SEC31A: variants seen among roughly 807,000 people sequenced by gnomAD.
SEC31A encodes the protein protein transport protein Sec31A.
SEC31A carries 70 observed loss-of-function variants against 151.0 expected under a neutral mutation model. The observed-to-expected ratio is 0.46, with a 90% CI of 0.38 to 0.57. The LOEUF (loss-of-function observed/expected upper bound fraction) is 0.57. Among genes scored for constraint, SEC31A ranks in the 20% least tolerant of loss-of-function variants. The probability of loss-of-function intolerance (pLI) is 0.00; values close to 1 mark genes in which losing one functional copy is unlikely to be tolerated. For missense variants in SEC31A, 1,330 were observed against 1,471.2 expected, an observed-to-expected ratio of 0.90 and a Z score of 1.57; for synonymous variants, 475 against 505.9, an observed-to-expected ratio of 0.94 and a Z score of 0.82.
At position 82,857,401 on chromosome 4, in the gene SEC31A, C is replaced by T. The variant is rs528454534; in HGVS notation, c.1703-271G>A. ...CACCTAGGTGTCTGAACACACCAGC[C>T]TTCCCAAGGCACTGATCACATATAC... On this transcript the variant is annotated intron_variant, in intron 15 of 26. Coordinates refer to ENST00000395310, the MANE Select transcript of SEC31A (RefSeq NM_001077207.4). 5.9e-5 allele frequency among the ~76,000 whole-genome samples: 9 copies of T among 152,328 alleles called. 1 individual carries two copies. The South Asian group carries it at 1.9e-3, about 32-fold the overall frequency.
rs193194348 is a variant in SEC31A at position 82,836,218 on chromosome 4, C to G, written c.2968+5922G>C. Among the ~76,000 whole-genome samples the G allele has an allele frequency of 6.7e-4, 101 of 151,790 alleles. 1 individual carries two copies. The highest frequency in any genetic ancestry group is 2.2e-4 in the Non-Finnish European group (15 of 67,898). ...CGAAACCCCATCTCTACTAAAAATA[C>G]AAAAATTAGCTGAGCGTGGTGGCAC... On this transcript the variant is annotated intron_variant, in intron 22 of 26. Coordinates refer to ENST00000395310, the MANE Select transcript of SEC31A (RefSeq NM_001077207.4).
Position 82,880,894 on chromosome 4 carries a change from T to A in SEC31A, c.108A>T (p.Thr36=), listed in dbSNP as rs1273437356. The change falls in exon 3 of 27, where the codon ACA becomes ACT. Residue 36 remains threonine, a synonymous_variant. Transcript: ENST00000395310. The part of the protein sequence containing the change: ...TGTSAQQLDA[T]FSTNASLEIF... ...TCTCAAGGGAAGCATTCGTACTAAA[T>A]GTTGCATCCAATTGCTGAGCAGATG... 1 of 1,610,860 alleles carries A rather than the reference T, an allele frequency of 6.2e-7. No individual in the cohort carries two copies. The highest frequency in any genetic ancestry group is 1.1e-5 in the South Asian group (1 of 90,818).
In SEC31A at chr4:82,841,442, TTATATA is replaced by T. The variant is rs58373170; in HGVS notation, c.2968+692_2968+697del. ...CATCTCAAAAAAGAAAAAAAAAATT[TTATATA>T]TATATATATATATATATATACACAC... On this transcript the variant is annotated intron_variant, in intron 22 of 26. Transcript: ENST00000395310. Among the ~76,000 whole-genome samples, 258 of 64,440 alleles carry T rather than the reference TTATATA, an allele frequency of 4.0e-3. 32 individuals carry two copies. In the South Asian group the frequency reaches 0.11, roughly 26 times the overall value. The allele number at this position is 64,440 out of a possible 152,430, so 42.3% of individuals were successfully genotyped here.
At chr4:82,836,019 T>C (rs1727146454) in intron 22 of SEC31A, among the ~76,000 whole-genome samples, 1 of 151,800 alleles carries the variant, frequency 6.6e-6, no homozygotes, top group South Asian at 2.1e-4. Flanking sequence ...AGTGTGGTGG[T>C]TCCTCAAAAA....
chr4:82,822,446 A>G (rs1228363132), intron 25 of SEC31A, among the ~76,000 whole-genome samples: 1 of 152,230 alleles, frequency 6.6e-6, no homozygotes, highest in Non-Finnish European at 1.5e-5. Context: ...AGCAGCAAGT[A>G]TAAAGTCCTG....
Position 82,878,865 on chromosome 4 carries a change from C to A in SEC31A, c.267G>T (p.Leu89=). The A allele has an allele frequency of 3.7e-6, 6 of 1,613,994 alleles. No individual in the cohort carries two copies. The South Asian group carries it at 6.6e-5, about 18-fold the overall frequency. The change falls in exon 4 of 27, where the codon CTG becomes CTT. Residue 89 remains leucine (L), a synonymous_variant. Coordinates refer to ENST00000395310, the MANE Select transcript of SEC31A (RefSeq NM_001077207.4). ...MDSKGDVSGV[L]IAGGENGNII... ...TATTTCCATTTTCACCACCTGCAAT[C>A]AGAACTCCAGAGACATCTCCTTTGG...
At chr4:82,842,094 A>C (rs771511608) in intron 22 of SEC31A, 46 bp downstream of exon 22, 1 of 1,464,204 alleles carries the variant, frequency 6.8e-7, no homozygotes, top group Non-Finnish European at 9.2e-7. Flanking sequence ...TCTGTTCATA[A>C]ACAAATAAAG....
upstream of SEC31A, chr4:82,894,923 T>C (rs1018651725): frequency 2.0e-5 from 3 of 152,266 alleles, no homozygotes; most frequent in Non-Finnish European, 2.9e-5. Context: ...CATAGTTTTT[T>C]CATGATATGC....
At position 82,836,480 on chromosome 4, in the gene SEC31A, G is replaced by A. The variant is rs150341342; in HGVS notation, c.2968+5660C>T. On this transcript the variant is annotated intron_variant, in intron 22 of 26. Coordinates refer to ENST00000395310, the MANE Select transcript of SEC31A (RefSeq NM_001077207.4). ...ATTCACAATAGACAAAGTGTCTATC[G>A]GCAGATGAATAACAAATAACAAATG... Among the ~76,000 whole-genome samples the A allele has an allele frequency of 3.9e-3, 593 of 151,636 alleles. 2 individuals are homozygous for A. Among genetic ancestry groups the A allele is most frequent in the African/African-American group, 0.013 (545 of 41,290 alleles).
rs1732843072 is a variant in SEC31A, at chr4:82,857,092, T to C, written c.1741A>G (p.Asn581Asp). Residue 581 changes from asparagine to aspartate, a missense_variant, in exon 16 of 27, where the codon AAT becomes GAT. Asn to Asp is a conservative substitution (Grantham distance 23). Transcript: ENST00000395310. ...GLITQALLTG[N>D]FESAVDLCLH... ...CAAAGGTCAACAGCACTCTCAAAAT[T>C]GCCCGTCAGCAAAGCCTGAGTAATT... 6.2e-7 allele frequency: 1 copy of C among 1,613,696 alleles called. No individual in the cohort carries two copies. The highest frequency in any genetic ancestry group is 1.3e-5 in the African/African-American group (1 of 75,020).
At chr4:82,827,340 C>G in intron 24 of SEC31A, 29 bp downstream of exon 24, 1 of 1,604,136 alleles carries the variant, frequency 6.2e-7, no homozygotes, top group Non-Finnish European at 8.5e-7. Context: ...AGCCATCTTC[C>G]CATTCCACTT....
At chr4:82,822,148 T>G (rs1723504770) in intron 25 of SEC31A, among the ~76,000 whole-genome samples, 1 of 152,260 alleles carries the variant, frequency 6.6e-6, no homozygotes, top group Non-Finnish European at 1.5e-5. Flanking sequence ...TTATGTTAGT[T>G]CAATATTTAT....
At chr4:82,819,306 T>C in intron 26 of SEC31A, 53 bp from the exon 27 acceptor site, 1 of 1,359,734 alleles carries the variant, frequency 7.4e-7, no homozygotes, top group Non-Finnish European at 9.9e-7. Context: ...TAACTTCCCA[T>C]GAGATCCTCC....
Position 82,862,546 on chromosome 4 carries a change from A to C in SEC31A, c.1536T>G (p.Asp512Glu). 1 of 1,613,824 alleles carries C rather than the reference A, an allele frequency of 6.2e-7. No individual in the cohort carries two copies. ...KKIALALNKV[D>E]GANVALKDSD... ...AAGGCCTTCTTACCACATTGGCTCC[A>C]TCCACTTTGTTCAAGGCCAAAGCAA... Residue 512 changes from aspartate (D) to glutamate (E), a missense_variant, in exon 13 of 27, where the codon GAT (aspartate) becomes GAG (glutamate). Coordinates refer to ENST00000395310, the MANE Select transcript of SEC31A (RefSeq NM_001077207.4).
intron 22 of SEC31A, chr4:82,830,857 T>C: frequency 2.0e-6 from 1 of 495,706 alleles, no homozygotes. Context: ...GAAGTTCACA[T>C]GCATTATTGT....
upstream of SEC31A, chr4:82,891,306 G>A: frequency 2.1e-6 from 2 of 933,464 alleles, no homozygotes; most frequent in South Asian, 1.6e-5. Flanking sequence ...TTCCGGGACC[G>A]GCGGTAGCCT....
chr4:82,819,398 G>T, intron 26 of SEC31A, 145 bp from the exon 27 acceptor site: 2 of 567,446 alleles, frequency 3.5e-6, no homozygotes, highest in African/African-American at 1.9e-5. Context: ...TTTCTAGAAA[G>T]TTTCTTGAAC....
Position 82,836,290 on chromosome 4 carries a change from T to C in SEC31A, c.2968+5850A>G, listed in dbSNP as rs544791226. On this transcript the variant is annotated intron_variant, in intron 22 of 26. Coordinates refer to ENST00000395310, the MANE Select transcript of SEC31A (RefSeq NM_001077207.4). ...TGGGAGGGTGAGGCAGGAGAATTGC[T>C]TGAACCCAGGAGGCGGAGGTTGCAG... 4.7e-5 allele frequency among the ~76,000 whole-genome samples: 7 copies of C among 150,336 alleles called. No individual in the cohort carries two copies. In the South Asian group the frequency reaches 8.4e-4, roughly 18 times the overall value.
At position 82,870,300 on chromosome 4, in the gene SEC31A, G is replaced by T. The variant is rs113364153; in HGVS notation, c.882+25C>A. 136 of 1,568,878 alleles carry T rather than the reference G, an allele frequency of 8.7e-5. No homozygotes were observed. The South Asian group carries it at 1.5e-3, about 17-fold the overall frequency. The stretch of plus-strand genomic sequence containing the variant: ...AGTAACATACTATAAGGGCTACAAG[G>T]TTGAGACACATTTCCTGCCCATACC... On this transcript the variant is annotated intron_variant, in intron 8 of 26. Coordinates refer to ENST00000395310, the MANE Select transcript of SEC31A (RefSeq NM_001077207.4).
Sources: gnomAD v4.1 joint callset for allele counts (sites outside exome capture counted in the v4.1 genomes callset) on GRCh38, gnomAD v4.1.1 for gene constraint, MANE v1.5 for transcripts, NCBI Gene and HGNC (gene_info 2026-07-23, HGNC 2026-07-21) for gene names.